Variants in IL17F observed in about 807,000 individuals in gnomAD.
IL17F encodes the protein interleukin 17F.
IL17F carries 6 observed loss-of-function variants against 8.3 expected under a neutral mutation model. That is an observed-to-expected ratio of 0.73 (90% CI 0.40 to 1.43). IL17F has a LOEUF of 1.43. Ranked by LOEUF, IL17F falls within the 40% of genes most tolerant of loss-of-function variation. The pLI is 0.02. For synonymous variants in IL17F, 98 were observed against 81.6 expected (o/e 1.20, Z -1.08); for missense variants, 204 against 209.6 (o/e 0.97, Z 0.17).
upstream of IL17F, among the ~76,000 whole-genome samples, chr6:52,245,451 A>G (rs930646384): frequency 6.6e-6 from 1 of 152,230 alleles, no homozygotes; most frequent in Admixed American, 6.5e-5. Flanking sequence ...CTTAGGGAAC[A>G]CTAATTTATA....
intron 1 of IL17F, among the ~76,000 whole-genome samples, chr6:52,242,646 A>G (rs1002110839): frequency 6.6e-6 from 1 of 152,248 alleles, no homozygotes; most frequent in Non-Finnish European, 1.5e-5. Context: ...GAAAGCTTAG[A>G]TTGGTGTACC....
intron 1 of IL17F, among the ~76,000 whole-genome samples, chr6:52,239,483 ACT>A (rs1346379826): frequency 6.6e-6 from 1 of 152,088 alleles, no homozygotes; most frequent in African/African-American, 2.4e-5. Context: ...TGCCTAGAAT[ACT>A]CTGTCTGTCA....
At chr6:52,241,740 A>G (rs1351231416) in intron 1 of IL17F, among the ~76,000 whole-genome samples, 2 of 152,228 alleles carry the variant, frequency 1.3e-5, no homozygotes, top group African/African-American at 2.4e-5. Context: ...TAGACAGGTG[A>G]AAGAGTTCTG....
At chr6:52,243,350 C>A (rs559561152) in intron 1 of IL17F, among the ~76,000 whole-genome samples, 15 of 152,278 alleles carry the variant, frequency 9.9e-5, no homozygotes, top group Non-Finnish European at 1.5e-5. Flanking sequence ...GATTCCAGAC[C>A]TGCTGGGGCT....
chr6:52,237,423 T>C (rs1016949763), intron 2 of IL17F, among the ~76,000 whole-genome samples: 1 of 152,170 alleles, frequency 6.6e-6, no homozygotes, highest in Non-Finnish European at 1.5e-5. Flanking sequence ...GAATACTCAG[T>C]GATACAAGTA....
At position 52,237,147 on chromosome 6, in the gene IL17F, C is replaced by T. The variant is rs756602791; in HGVS notation, c.276G>A (p.Arg92=). The T allele has an allele frequency of 1.9e-6, 3 of 1,613,806 alleles. No individual in the cohort carries two copies. The African/African-American group carries it at 4.0e-5, about 22-fold the overall frequency. The change falls in exon 3 of 3, where the codon CGG becomes CGA. Residue 92 remains arginine, a synonymous_variant. Transcript: ENST00000336123. ...WNYTVTWDPN[R]YPSEVVQAQC... ...GGGCCTGTACAACTTCCGAGGGGTACCGGTTGGGGTCCCAAGTGACACTGC... is the reference window on the plus strand; with the variant it reads ...GGGCCTGTACAACTTCCGAGGGGTATCGGTTGGGGTCCCAAGTGACACTGC...
intron 2 of IL17F, among the ~76,000 whole-genome samples, chr6:52,238,255 C>A (rs1309681314): frequency 6.6e-6 from 1 of 152,298 alleles, no homozygotes; most frequent in African/African-American, 2.4e-5. Flanking sequence ...ATCTTAATGC[C>A]AAATTACAAG....
At position 52,237,164 on chromosome 6, in the gene IL17F, T is replaced by G. The variant is rs1354483160; in HGVS notation, c.259A>C (p.Thr87Pro). The G allele has an allele frequency of 7.4e-6, 12 of 1,613,358 alleles. No individual in the cohort carries two copies. The highest frequency in any genetic ancestry group is 9.3e-6 in the Non-Finnish European group (11 of 1,179,474). Residue 87 changes from threonine to proline, a missense_variant, in exon 3 of 3, where the codon ACT (threonine) becomes CCT (proline). Physicochemically the swap from Thr to Pro is conservative, Grantham distance 38. Transcript: ENST00000336123. ...RSTSPWNYTV[T>P]WDPNRYPSEV... ...GAGGGGTACCGGTTGGGGTCCCAAG[T>G]GACACTGCAGGAGGAGCAAGCCAAA...
intron 1 of IL17F, among the ~76,000 whole-genome samples, chr6:52,242,942 T>C (rs892161749): frequency 6.6e-6 from 1 of 152,160 alleles, no homozygotes; most frequent in African/African-American, 2.4e-5. Flanking sequence ...TAATTAATCC[T>C]CCCAATAAAT....
Position 52,237,114 on chromosome 6 carries a change from C to A in IL17F, c.309G>T (p.Arg103Ser), listed in dbSNP as rs200163061. 6.2e-7 allele frequency: 1 copy of A among 1,614,186 alleles called. No homozygotes were observed. Among genetic ancestry groups the A allele is most frequent in the East Asian group, 2.2e-5 (1 of 44,876 alleles). The stretch of plus-strand genomic sequence containing the variant: ...CTTGAGCATTGATGCAGCCCAAGTT[C>A]CTACACTGGGCCTGTACAACTTCCG... ...YPSEVVQAQCRNLGCINAQGK... is the reference protein window; with the variant it reads ...YPSEVVQAQCSNLGCINAQGK... The change falls in exon 3 of 3, where the codon AGG (arginine) becomes AGT (serine). Residue 103 changes from arginine to serine, a missense_variant. Coordinates refer to ENST00000336123, the MANE Select transcript of IL17F (RefSeq NM_052872.4).
At chr6:52,240,177 C>T (rs900049678) in intron 1 of IL17F, among the ~76,000 whole-genome samples, 3 of 152,188 alleles carry the variant, frequency 2.0e-5, no homozygotes, top group African/African-American at 7.2e-5. Context: ...TGGCTCACGC[C>T]TGTAATCCCA....
intron 1 of IL17F, chr6:52,239,198 G>A: frequency 2.0e-6 from 1 of 507,248 alleles, no homozygotes; most frequent in Non-Finnish European, 3.6e-6. Context: ...CAAACAGTGA[G>A]ACAGAAAGAT....
rs11465553 is a variant in IL17F, at chr6:52,236,960, C to T, written c.463G>A (p.Val155Ile). 0.043 allele frequency: 68,853 copies of T among 1,613,836 alleles called. 1,770 individuals carry two copies. Among genetic ancestry groups the T allele is most frequent in the Non-Finnish European group, 0.05 (59,302 of 1,179,764 alleles). Reference sequence around the variant, plus strand: ...TGCACATGGTGGATGACAGGGGTGACGCAGGTGCAGCCAACAGTCACCAGC... The same window carrying T: ...TGCACATGGTGGATGACAGGGGTGATGCAGGTGCAGCCAACAGTCACCAGC... Reference protein sequence around the residue: ...KVLVTVGCTCVTPVIHHVQ With the variant: ...KVLVTVGCTCITPVIHHVQ The change falls in exon 3 of 3, where the codon GTC becomes ATC. Residue 155 changes from valine (V) to isoleucine (I), a missense_variant. Transcript: ENST00000336123.
In IL17F at chr6:52,238,726, T is replaced by C. The variant is rs746469962; in HGVS notation, c.254+4A>G. 4.3e-6 allele frequency: 7 copies of C among 1,611,966 alleles called. No homozygotes were observed. In the African/African-American group the frequency reaches 8.0e-5, roughly 18 times the overall value. ...ATGTGAAAATCAGTCTCATTTGCACTTACGTGTAATTCCAGGGGGAGGTGG... is the reference window on the plus strand; with the variant it reads ...ATGTGAAAATCAGTCTCATTTGCACCTACGTGTAATTCCAGGGGGAGGTGG... On this transcript the variant is annotated splice_donor_region_variant and intron_variant, in intron 2 of 2. Coordinates refer to ENST00000336123, the MANE Select transcript of IL17F (RefSeq NM_052872.4).
At chr6:52,244,257 C>T (rs1764122921) in intron 1 of IL17F, 140 bp downstream of exon 1, 1 of 851,712 alleles carries the variant, frequency 1.2e-6, no homozygotes, top group South Asian at 1.3e-5. Flanking sequence ...CTCCACCAGA[C>T]AGGAGTCAAA....
intron 1 of IL17F, among the ~76,000 whole-genome samples, chr6:52,243,888 G>A (rs2294836): frequency 6.2e-4 from 94 of 152,096 alleles, no homozygotes; most frequent in South Asian, 1.2e-3. Context: ...TCAGCCTCCC[G>A]AGTAGCTGGG....
At chr6:52,238,256 A>G (rs1394253262) in intron 2 of IL17F, among the ~76,000 whole-genome samples, 1 of 152,202 alleles carries the variant, frequency 6.6e-6, no homozygotes, top group East Asian at 1.9e-4. Flanking sequence ...TCTTAATGCC[A>G]AATTACAAGA....
intron 1 of IL17F, among the ~76,000 whole-genome samples, chr6:52,241,798 C>G (rs961542759): frequency 5.3e-5 from 8 of 152,158 alleles, no homozygotes; most frequent in Admixed American, 1.3e-4. Context: ...CCTATGAGTA[C>G]CAGTCTGGGG....
intron 1 of IL17F, 162 bp from the exon 2 acceptor site, chr6:52,239,112 G>T: frequency 1.5e-6 from 1 of 676,854 alleles, no homozygotes; most frequent in East Asian, 2.7e-5. Flanking sequence ...ACACCTAAAG[G>T]TATCAAGGTG....
Sources: gnomAD v4.1 joint callset for allele counts (sites outside exome capture counted in the v4.1 genomes callset) on GRCh38, gnomAD v4.1.1 for gene constraint, MANE v1.5 for transcripts, NCBI Gene and HGNC (gene_info 2026-07-23, HGNC 2026-07-21) for gene names.